The following MACROD2 variants were observed in gnomAD, a reference collection of about 807,000 sequenced individuals.
MACROD2 encodes mono-ADP ribosylhydrolase 2, also known as ADP-ribose glycohydrolase MACROD2.
Under a neutral mutation model 70.4 loss-of-function variants are expected in MACROD2, and 36 were observed. The ratio of observed to expected loss-of-function variants is 0.51; its 90% CI spans 0.39 to 0.68. MACROD2 has a LOEUF of 0.68. Ranked by LOEUF, MACROD2 falls within the 30% of genes least tolerant of loss-of-function variation. The pLI is 0.00. For missense variants in MACROD2, 496 were observed against 538.4 expected (o/e 0.92, Z 0.78); for synonymous variants, 172 against 178.8 (o/e 0.96, Z 0.30).
intron 3 of MACROD2, among the ~76,000 whole-genome samples, chr20:14,165,884 A>G (rs2055261294): frequency 6.6e-6 from 1 of 152,222 alleles, no homozygotes; most frequent in Non-Finnish European, 1.5e-5. Context: ...TCTACTAGGT[A>G]AGTCCTCACT....
intron 2 of MACROD2, among the ~76,000 whole-genome samples, chr20:14,037,832 A>G (rs559350196): frequency 1.6e-4 from 25 of 151,722 alleles, no homozygotes; most frequent in Admixed American, 5.2e-4. Flanking sequence ...CAGCCTGTGC[A>G]ATGTGGTCTC....
At chr20:15,212,536 C>G (rs558775706) in intron 5 of MACROD2, among the ~76,000 whole-genome samples, 1 of 152,226 alleles carries the variant, frequency 6.6e-6, no homozygotes, top group Admixed American at 6.5e-5. Context: ...AAAATGATAG[C>G]TTGTCATTAG....
At chr20:15,347,262 A>G (rs1332901116) in intron 6 of MACROD2, among the ~76,000 whole-genome samples, 1 of 152,190 alleles carries the variant, frequency 6.6e-6, no homozygotes, top group Non-Finnish European at 1.5e-5. Context: ...GAGTACCTTC[A>G]CATAGCAAAG....
At chr20:15,782,717 C>CAAAAA (rs11472322) in intron 8 of MACROD2, among the ~76,000 whole-genome samples, 1,460 of 83,170 alleles carry the variant, frequency 0.018, 65 homozygotes, top group East Asian at 0.061. Flanking sequence ...AGAGAAATGG[C>CAAAAA]AAAAAAAAAA....
intron 3 of MACROD2, among the ~76,000 whole-genome samples, chr20:14,102,546 C>T (rs575663850): frequency 1.3e-5 from 2 of 152,284 alleles, no homozygotes; most frequent in South Asian, 4.1e-4. Flanking sequence ...TCCTGCCTCT[C>T]TGCAGATCCA....
chr20:14,948,535 A>G (rs1053822275), intron 5 of MACROD2, among the ~76,000 whole-genome samples: 8 of 152,186 alleles, frequency 5.3e-5, no homozygotes, highest in South Asian at 2.1e-4. Context: ...AAAGATGCTC[A>G]TACAGCAACT....
At chr20:15,776,219 A>G (rs371094459) in intron 8 of MACROD2, among the ~76,000 whole-genome samples, 4 of 152,262 alleles carry the variant, frequency 2.6e-5, no homozygotes, top group African/African-American at 4.8e-5. Context: ...CACCTGGTCC[A>G]TGTGTTCATG....
At position 14,281,863 on chromosome 20, in the gene MACROD2, A is replaced by C. The variant is rs1055939594; in HGVS notation, c.271+196135A>C. Among the ~76,000 whole-genome samples the C allele has an allele frequency of 2.8e-5, 4 of 143,028 alleles. No individual in the cohort carries two copies. In the East Asian group the frequency reaches 8.3e-4, roughly 30 times the overall value. The allele number at this position is 143,028 out of a possible 152,430, so 93.8% of individuals were successfully genotyped here. ...GGCAGGAGAATTGCTTGAACCCAGG[A>C]GGCGGAGGTTGCAGTGAGCTGAGAT... On this transcript the variant is annotated intron_variant, in intron 3 of 17. Transcript: ENST00000684519.
intron 3 of MACROD2, among the ~76,000 whole-genome samples, chr20:14,404,206 A>G (rs1328327635): frequency 6.6e-6 from 1 of 152,206 alleles, no homozygotes; most frequent in African/African-American, 2.4e-5. Context: ...TAGAATATAT[A>G]TCTAGTCAGA....
intron 3 of MACROD2, among the ~76,000 whole-genome samples, chr20:14,460,997 A>G (rs907034663): frequency 3.3e-5 from 5 of 151,908 alleles, no homozygotes; most frequent in African/African-American, 4.8e-5. Context: ...TTCAGAGGGA[A>G]TGGTACCAGC....
chr20:14,617,912 T>G (rs1983573980), intron 4 of MACROD2, among the ~76,000 whole-genome samples: 5 of 152,112 alleles, frequency 3.3e-5, no homozygotes, highest in Admixed American at 3.3e-4. Flanking sequence ...CAGGTGATAA[T>G]TTGTACAGAA....
chr20:14,069,401 C>T (rs1188009879), intron 2 of MACROD2, among the ~76,000 whole-genome samples: 1 of 151,964 alleles, frequency 6.6e-6, no homozygotes, highest in African/African-American at 2.4e-5. Context: ...AGGCAACATC[C>T]TTTGGACAGG....
chr20:14,396,747 AACCCC>A, intron 3 of MACROD2, among the ~76,000 whole-genome samples: 1 of 151,682 alleles, frequency 6.6e-6, no homozygotes, highest in Admixed American at 6.6e-5. Flanking sequence ...AACGCGGTGA[AACCCC>A]GTCACTACTA....
intron 5 of MACROD2, among the ~76,000 whole-genome samples, chr20:14,992,984 A>G (rs1200518888): frequency 1.3e-5 from 2 of 152,164 alleles, no homozygotes; most frequent in East Asian, 3.9e-4. Flanking sequence ...AATACAATAG[A>G]ATATTTAATG....
At chr20:15,065,654 CA>C (rs554222351) in intron 5 of MACROD2, among the ~76,000 whole-genome samples, 34,306 of 94,834 alleles carry the variant, frequency 0.36, 4,060 homozygotes, top group Non-Finnish European at 0.42. Flanking sequence ...ACTCCGTCTC[CA>C]AAAAAAAAAA....
At chr20:15,581,562 T>C (rs567285915) in intron 8 of MACROD2, among the ~76,000 whole-genome samples, 1 of 152,340 alleles carries the variant, frequency 6.6e-6, no homozygotes, top group African/African-American at 2.4e-5. Context: ...AAGAGGTCTC[T>C]AAGGCGTTAT....
At chr20:14,999,812 G>A (rs779149125) in intron 5 of MACROD2, among the ~76,000 whole-genome samples, 1 of 152,118 alleles carries the variant, frequency 6.6e-6, no homozygotes, top group Non-Finnish European at 1.5e-5. Flanking sequence ...GGTAACCTCA[G>A]ATTAAATGTT....
intron 7 of MACROD2, among the ~76,000 whole-genome samples, chr20:15,495,892 A>G (rs1171337453): frequency 6.6e-6 from 1 of 152,250 alleles, no homozygotes; most frequent in Non-Finnish European, 1.5e-5. Context: ...GAGGACAAAT[A>G]AAATGGATAT....
At chr20:14,655,701 T>C (rs534784532) in intron 4 of MACROD2, among the ~76,000 whole-genome samples, 5 of 152,194 alleles carry the variant, frequency 3.3e-5, no homozygotes, top group Non-Finnish European at 7.3e-5. Context: ...CTTTCAGGGA[T>C]GTATGTAAAT....
Sources: allele counts gnomAD v4.1 joint callset (sites outside exome capture counted in the v4.1 genomes callset), GRCh38; gene constraint gnomAD v4.1.1; transcripts MANE v1.5; gene names NCBI Gene and HGNC (gene_info 2026-07-23, HGNC 2026-07-21).